KIDINS220: variants seen among roughly 807,000 people sequenced by gnomAD.
KIDINS220 encodes the protein kinase D-interacting substrate of 220 kDa.
Under a neutral mutation model 157.6 loss-of-function variants are expected in KIDINS220, and 63 were observed. That is an observed-to-expected ratio of 0.40 (90% CI 0.33 to 0.49). KIDINS220 has a LOEUF of 0.49. Ranked by LOEUF, KIDINS220 falls within the 20% of genes least tolerant of loss-of-function variation. The pLI, the probability that KIDINS220 is intolerant of heterozygous loss-of-function variation, is 0.66. For synonymous variants in KIDINS220, 732 were observed against 783.6 expected (o/e 0.93, Z 1.10); for missense variants, 1,772 against 2,171.2 (o/e 0.82, Z 3.65).
In KIDINS220 at chr2:8,786,279, C is replaced by T. The variant is rs1206695052; in HGVS notation, c.1866G>A (p.Ser622=). The part of the protein sequence containing the change: ...TSLAEMIATL[S]DACEREFGFL... Reference sequence around the variant, plus strand: ...AGCCAAACTCTCTTTCACAAGCATCCGAGAGGGTTGCAATCATTTCAGCCA... The same window carrying T: ...AGCCAAACTCTCTTTCACAAGCATCTGAGAGGGTTGCAATCATTTCAGCCA... Residue 622 remains serine, a synonymous_variant, in exon 16 of 30, where the codon TCG becomes TCA. Transcript: ENST00000256707. The T allele has an allele frequency of 6.0e-5, 97 of 1,613,924 alleles. No homozygotes were observed. Among genetic ancestry groups the T allele is most frequent in the Non-Finnish European group, 7.4e-5 (87 of 1,179,982 alleles).
rs541204052 is a variant in KIDINS220 at position 8,747,448 on chromosome 2, T to C, written c.3529-247A>G. 3.5e-5 allele frequency: 19 copies of C among 539,158 alleles called. No homozygotes were observed. In the South Asian group the frequency reaches 4.4e-4, roughly 13 times the overall value. The allele number at this position is 539,158 out of a possible 1,614,324, so 33.4% of individuals were successfully genotyped here. A position where few individuals can be genotyped will look rare whatever the true frequency, so the allele number is the denominator to read the frequency against. ...TAGATTCAATAGTTCATTGGAAGAA[T>C]TTCCCTTATCTTGTTTAATTCCTGC... is the stretch of plus-strand genomic sequence containing the variant. On this transcript the variant is annotated intron_variant, in intron 25 of 29. Coordinates refer to ENST00000256707, the MANE Select transcript of KIDINS220 (RefSeq NM_020738.4).
intron 26 of KIDINS220, among the ~76,000 whole-genome samples, chr2:8,742,366 G>T (rs771076138): frequency 1.4e-4 from 22 of 151,728 alleles, no homozygotes; most frequent in Non-Finnish European, 1.3e-4. Context: ...CTTCCTAAGT[G>T]CAGGCTTACT....
chr2:8,761,283 C>T (rs1170126312), intron 22 of KIDINS220, among the ~76,000 whole-genome samples: 1 of 152,104 alleles, frequency 6.6e-6, no homozygotes, highest in Admixed American at 6.5e-5. Context: ...AAAGGAGGCT[C>T]TGAACTCAAA....
Position 8,827,057 on chromosome 2 carries a change from C to T in KIDINS220, c.37G>A (p.Val13Ile), listed in dbSNP as rs771441904. ...AGAGCAGGAATGTTTTCTTCCTCTACATAATTTATGACGCTCTGTGATATC... is the reference window on the plus strand; with the variant it reads ...AGAGCAGGAATGTTTTCTTCCTCTATATAATTTATGACGCTCTGTGATATC... The part of the protein sequence containing the change: ...VLISQSVINY[V>I]EEENIPALKA... Residue 13 changes from valine to isoleucine, a missense_variant, in exon 2 of 30, where the codon GTA becomes ATA. By Grantham distance (29) the Val-to-Ile change is conservative. Around this residue, in one of 3 missense-constraint regions of KIDINS220, gnomAD observed 254 missense variants for 268.6 expected, o/e 0.95. Coordinates refer to ENST00000256707, the MANE Select transcript of KIDINS220 (RefSeq NM_020738.4). The T allele has an allele frequency of 2.5e-6, 4 of 1,609,210 alleles. No homozygotes were observed. In the African/African-American group the frequency reaches 4.0e-5, roughly 16 times the overall value.
chr2:8,816,831 A>G (rs1383429026), intron 4 of KIDINS220, among the ~76,000 whole-genome samples: 2 of 152,222 alleles, frequency 1.3e-5, no homozygotes, highest in Non-Finnish European at 2.9e-5. Flanking sequence ...AAAAATAAAG[A>G]TACCACCCAT....
At chr2:8,830,277 C>T (rs1558507980) in intron 1 of KIDINS220, among the ~76,000 whole-genome samples, 2 of 152,202 alleles carry the variant, frequency 1.3e-5, no homozygotes, top group Non-Finnish European at 2.9e-5. Context: ...CATAACCACA[C>T]TACAGGAAGA....
intron 1 of KIDINS220, among the ~76,000 whole-genome samples, chr2:8,829,427 T>C (rs1180953682): frequency 1.3e-5 from 2 of 152,176 alleles, no homozygotes; most frequent in Non-Finnish European, 2.9e-5. Flanking sequence ...GATCCCATAG[T>C]TGCACTTCTA....
intron 18 of KIDINS220, 132 bp from the exon 19 acceptor site, chr2:8,779,271 C>T (rs1390966561): frequency 1.6e-6 from 2 of 1,241,482 alleles, no homozygotes; most frequent in East Asian, 2.5e-5. Flanking sequence ...TCAAAACTTA[C>T]TCTGCACAAA....
intron 22 of KIDINS220, chr2:8,757,445 C>T: frequency 1.5e-6 from 2 of 1,315,996 alleles, no homozygotes; most frequent in Non-Finnish European, 1.9e-6. Context: ...ATGAGAAGCA[C>T]ACTTGATTGT....
At chr2:8,762,114 T>C (rs1668814664) in intron 22 of KIDINS220, among the ~76,000 whole-genome samples, 2 of 152,320 alleles carry the variant, frequency 1.3e-5, no homozygotes, top group African/African-American at 4.8e-5. Flanking sequence ...TAATAATTTT[T>C]TTTACATATT....
rs746291258 is a variant in KIDINS220, at chr2:8,731,715, G to A, written c.4321C>T (p.Pro1441Ser). Residue 1441 changes from proline (P) to serine (S), a missense_variant, in exon 30 of 30, where the codon CCA becomes TCA. Physicochemically the swap from Pro to Ser is moderately conservative, Grantham distance 74. Transcript: ENST00000256707. This position sits in a 1 kb window ranked among gnomAD's most constrained non-coding sequence, Gnocchi z 5.2. ...LEQEKGKDSE[P>S]KPDDGRKSFL... ...GACTTCCTCCCATCATCGGGCTTTG[G>A]TTCACTATCCTTCCCCTTTTCTTGC... is the stretch of plus-strand genomic sequence containing the variant. 8 of 1,614,008 alleles carry A rather than the reference G, an allele frequency of 5.0e-6. No individual in the cohort carries two copies. The highest frequency in any genetic ancestry group is 6.8e-6 in the Non-Finnish European group (8 of 1,180,042).
At chr2:8,799,705 T>C (rs1347557028) in intron 9 of KIDINS220, among the ~76,000 whole-genome samples, 1 of 152,226 alleles carries the variant, frequency 6.6e-6, no homozygotes, top group Non-Finnish European at 1.5e-5. Context: ...ATAATAGTTA[T>C]AGTTTGATTC....
intron 6 of KIDINS220, among the ~76,000 whole-genome samples, chr2:8,812,120 T>C (rs1181165684): frequency 6.6e-6 from 1 of 152,122 alleles, no homozygotes; most frequent in Non-Finnish European, 1.5e-5. Context: ...AGAGTTACAA[T>C]AGAAAACTTC....
At chr2:8,768,246 TAAAA>T in intron 22 of KIDINS220, among the ~76,000 whole-genome samples, 1 of 141,662 alleles carries the variant, frequency 7.1e-6, no homozygotes, top group African/African-American at 2.6e-5. Context: ...AAATGTATGT[TAAAA>T]AAAAAAAAAA....
intron 1 of KIDINS220, among the ~76,000 whole-genome samples, chr2:8,833,267 A>G (rs1255580796): frequency 3.3e-5 from 5 of 152,214 alleles, no homozygotes; most frequent in Non-Finnish European, 7.3e-5. Flanking sequence ...TAACTGCACA[A>G]TTACATGCAA....
In KIDINS220 at chr2:8,837,502, C is replaced by G. The variant is rs1401829301; in HGVS notation, c.-59G>C. 1 of 152,314 alleles carries G rather than the reference C, an allele frequency of 6.6e-6. No individual in the cohort carries two copies. The highest frequency in any genetic ancestry group is 2.1e-4 in the South Asian group (1 of 4,836). The allele number at this position is 152,314 out of a possible 1,614,324, so 9.4% of individuals were successfully genotyped here. ...AACCTGGTCCTCAGCTCCGGCGGAA[C>G]GGGCCCGCTCGGCTGCAGGCGATGT... is the stretch of plus-strand genomic sequence containing the variant. On this transcript the variant is annotated 5_prime_UTR_variant, in exon 1 of 30. Coordinates refer to ENST00000256707, the MANE Select transcript of KIDINS220 (RefSeq NM_020738.4).
intron 21 of KIDINS220, among the ~76,000 whole-genome samples, chr2:8,773,630 G>A (rs959926379): frequency 3.9e-5 from 6 of 151,910 alleles, no homozygotes; most frequent in Admixed American, 1.3e-4. Context: ...GAGCCACCAC[G>A]CCTGCTAATT....
chr2:8,767,646 T>C (rs1669652569), intron 22 of KIDINS220, among the ~76,000 whole-genome samples: 4 of 151,982 alleles, frequency 2.6e-5, no homozygotes, highest in Admixed American at 2.6e-4. Flanking sequence ...CAGAAAATGA[T>C]GGAGAGAGCA....
chr2:8,730,578 G>C lies in KIDINS220; in HGVS notation c.*142C>G. 6.9e-7 allele frequency: 1 copy of C among 1,439,594 alleles called. No individual in the cohort carries two copies. The highest frequency in any genetic ancestry group is 2.8e-5 in the Admixed American group (1 of 35,088). The allele number at this position is 1,439,594 out of a possible 1,614,324, so 89.2% of individuals were successfully genotyped here. A position where few individuals can be genotyped will look rare whatever the true frequency, so the allele number is the denominator to read the frequency against. On this transcript the variant is annotated 3_prime_UTR_variant, in exon 30 of 30. Transcript: ENST00000256707. Reference sequence around the variant, plus strand: ...TCATGCTCCCTTCTGTCACACTGCAGATGTCTCTTTTACCTCGGCCTCATC... The same window carrying C: ...TCATGCTCCCTTCTGTCACACTGCACATGTCTCTTTTACCTCGGCCTCATC...
Sources: allele counts gnomAD v4.1 joint callset (sites outside exome capture counted in the v4.1 genomes callset), GRCh38; gene constraint gnomAD v4.1.1; regional missense constraint gnomAD v4.1.1; non-coding constraint Gnocchi (gnomAD v3.1); transcripts MANE v1.5; gene names NCBI Gene and HGNC (gene_info 2026-07-23, HGNC 2026-07-21).